Variants in MCU observed in about 807,000 individuals in gnomAD.
MCU encodes mitochondrial calcium uniporter.
MCU carries 12 observed loss-of-function variants against 45.2 expected under a neutral mutation model. That is an observed-to-expected ratio of 0.27 (90% CI 0.17 to 0.43). The LOEUF is 0.43. MCU is among the 20% of genes least tolerant of loss of function. The probability of loss-of-function intolerance (pLI) is 1.00; values close to 1 mark genes in which losing one functional copy is unlikely to be tolerated. For synonymous variants in MCU, 160 were observed against 165.1 expected (o/e 0.97, Z 0.24); for missense variants, 324 against 436.7 (o/e 0.74, Z 2.30).
intron 1 of MCU, among the ~76,000 whole-genome samples, chr10:72,800,917 A>G (rs1844329042): frequency 6.6e-6 from 1 of 152,158 alleles, no homozygotes; most frequent in Non-Finnish European, 1.5e-5. Context: ...TGGGCAACAT[A>G]GCAAGACCCT....
intron 1 of MCU, among the ~76,000 whole-genome samples, chr10:72,812,006 A>C (rs1173596801): frequency 6.6e-6 from 1 of 152,048 alleles, no homozygotes; most frequent in Non-Finnish European, 1.5e-5. Flanking sequence ...TACTAGATAC[A>C]CTTGAAAACA....
At position 72,754,682 on chromosome 10, in the gene MCU, T is replaced by C. The variant is rs537810737; in HGVS notation, c.150+62381T>C. Among the ~76,000 whole-genome samples, 30 of 152,294 alleles carry C rather than the reference T, an allele frequency of 2.0e-4. 1 individual carries two copies. Among genetic ancestry groups the C allele is most frequent in the African/African-American group, 7.0e-4 (29 of 41,562 alleles). ...TTTCACCATGTTGATCAGGATGGTC[T>C]TGAAGTCCTGACCTCAGGTCATCCA... On this transcript the variant is annotated intron_variant, in intron 1 of 7. Transcript: ENST00000373053.
At chr10:72,883,521 G>T (rs540565128) in intron 6 of MCU, among the ~76,000 whole-genome samples, 1 of 152,214 alleles carries the variant, frequency 6.6e-6, no homozygotes, top group African/African-American at 2.4e-5. Flanking sequence ...AGTATAATTG[G>T]TACAACCATT....
At chr10:72,815,080 G>A (rs1191862062) in intron 1 of MCU, among the ~76,000 whole-genome samples, 14 of 152,154 alleles carry the variant, frequency 9.2e-5, no homozygotes, top group Admixed American at 9.2e-4. Context: ...AAAATGATAA[G>A]GGGAAACAAA....
chr10:72,874,887 A>T (rs1397875775), intron 6 of MCU, among the ~76,000 whole-genome samples: 1 of 152,178 alleles, frequency 6.6e-6, no homozygotes. Flanking sequence ...TTGATTACTG[A>T]AGAGGTGAAG....
At position 72,842,684 on chromosome 10, in the gene MCU, A is replaced by G. The variant is rs549380526; in HGVS notation, c.220+8256A>G. 5.3e-5 allele frequency among the ~76,000 whole-genome samples: 8 copies of G among 152,116 alleles called. No homozygotes were observed. In the South Asian group the frequency reaches 1.7e-3, roughly 32 times the overall value. On this transcript the variant is annotated intron_variant, in intron 2 of 7. Transcript: ENST00000373053. ...TTGTATATTTTATTTCTTTTTAAAA[A>G]CCAGGAAATGGCCATTAATTTTGGT... is the stretch of plus-strand genomic sequence containing the variant.
intron 1 of MCU, among the ~76,000 whole-genome samples, chr10:72,744,215 C>A (rs1843377713): frequency 6.8e-6 from 1 of 147,588 alleles, no homozygotes; most frequent in South Asian, 2.1e-4. Context: ...CTTCATTTTT[C>A]AGGTATCCAA....
intron 1 of MCU, among the ~76,000 whole-genome samples, chr10:72,805,231 C>T (rs537803829): frequency 1.1e-3 from 153 of 143,992 alleles, no homozygotes; most frequent in Admixed American, 3.3e-3. Context: ...TTTCCTTTTT[C>T]CTTTCCTTTT....
At chr10:72,792,094 G>C (rs1844169454) in intron 1 of MCU, among the ~76,000 whole-genome samples, 1 of 152,172 alleles carries the variant, frequency 6.6e-6, no homozygotes, top group South Asian at 2.1e-4. Context: ...AGCAAAACCA[G>C]ATATCCACAC....
chr10:72,855,183 G>A (rs1845268863), intron 2 of MCU, among the ~76,000 whole-genome samples: 1 of 151,976 alleles, frequency 6.6e-6, no homozygotes, highest in Admixed American at 6.6e-5. Context: ...AGGTTGCAGT[G>A]AGCCAAGATC....
intron 6 of MCU, among the ~76,000 whole-genome samples, chr10:72,873,121 C>T (rs1845571546): frequency 6.7e-6 from 1 of 149,488 alleles, no homozygotes; most frequent in African/African-American, 2.5e-5. Context: ...TGGATTCACA[C>T]CATTCTCCTG....
intron 1 of MCU, among the ~76,000 whole-genome samples, chr10:72,734,114 C>G (rs745572111): frequency 6.6e-6 from 1 of 152,094 alleles, no homozygotes; most frequent in African/African-American, 2.4e-5. Flanking sequence ...GGTGCGTTTG[C>G]TCACACCTGT....
chr10:72,751,327 ATCTTCT>A (rs1554821994), intron 1 of MCU, among the ~76,000 whole-genome samples: 2 of 95,636 alleles, frequency 2.1e-5, no homozygotes, highest in African/African-American at 4.0e-5. Flanking sequence ...TTTCTCTAAC[ATCTTCT>A]TCTTCTTCTT....
At chr10:72,760,327 AGG>A in intron 1 of MCU, among the ~76,000 whole-genome samples, 1 of 152,028 alleles carries the variant, frequency 6.6e-6, no homozygotes, top group Non-Finnish European at 1.5e-5. Context: ...TGGGGATTAC[AGG>A]TGTGAGCCAC....
rs539832965 is a variant in MCU at position 72,839,770 on chromosome 10, G to A, written c.220+5342G>A. On this transcript the variant is annotated intron_variant, in intron 2 of 7. Coordinates refer to ENST00000373053, the MANE Select transcript of MCU (RefSeq NM_138357.3). ...AGATCGAGACTGTCCTGGCTAACAC[G>A]GTAAAACCCTGTCTCTACTAAGAAT... Among the ~76,000 whole-genome samples, 21 of 150,654 alleles carry A rather than the reference G, an allele frequency of 1.4e-4. No individual in the cohort carries two copies. The South Asian group carries it at 4.2e-3, about 30-fold the overall frequency.
intron 1 of MCU, among the ~76,000 whole-genome samples, chr10:72,715,385 G>A (rs1318768239): frequency 6.6e-6 from 1 of 152,186 alleles, no homozygotes; most frequent in Non-Finnish European, 1.5e-5. Flanking sequence ...CTAACATGGG[G>A]CTGAGTTTAG....
intron 1 of MCU, among the ~76,000 whole-genome samples, chr10:72,805,272 A>G (rs1844429791): frequency 1.5e-5 from 2 of 134,676 alleles, no homozygotes; most frequent in Admixed American, 7.9e-5. Flanking sequence ...TTTTGGAGAC[A>G]GGGTCTCGCT....
At chr10:72,826,073 C>T (rs965709738) in intron 1 of MCU, among the ~76,000 whole-genome samples, 3 of 146,142 alleles carry the variant, frequency 2.1e-5, no homozygotes, top group East Asian at 2.0e-4. Flanking sequence ...AACTTATTTG[C>T]GTGAACTATG....
At chr10:72,713,743 A>AT (rs886284840) in intron 1 of MCU, among the ~76,000 whole-genome samples, 2 of 151,948 alleles carry the variant, frequency 1.3e-5, no homozygotes, top group Non-Finnish European at 2.9e-5. Context: ...ATGAACCAGA[A>AT]TTTTTTTTAA....
Sources: gnomAD v4.1 joint callset for allele counts (sites outside exome capture counted in the v4.1 genomes callset) on GRCh38, gnomAD v4.1.1 for gene constraint, MANE v1.5 for transcripts, NCBI Gene and HGNC (gene_info 2026-07-23, HGNC 2026-07-21) for gene names.